Variants in CLPTM1L observed in about 807,000 individuals in gnomAD.
CLPTM1L encodes lipid scramblase CLPTM1L.
CLPTM1L carries 38 observed loss-of-function variants against 70.9 expected under a neutral mutation model. The ratio of observed to expected loss-of-function variants is 0.54; its 90% CI spans 0.41 to 0.70. CLPTM1L has a LOEUF of 0.70. Among genes scored for constraint, CLPTM1L ranks in the 30% least tolerant of loss-of-function variants. The probability of loss-of-function intolerance (pLI) is 0.00; values close to 1 mark genes in which losing one functional copy is unlikely to be tolerated. For synonymous variants in CLPTM1L, 339 were observed against 299.9 expected, an observed-to-expected ratio of 1.13 and a Z score of -1.35; for missense variants, 652 against 705.9, an observed-to-expected ratio of 0.92 and a Z score of 0.87.
rs368308827 is a variant in CLPTM1L at position 1,318,390 on chromosome 5, C to T, written c.1596G>A (p.Thr532=). Residue 532 remains threonine, a synonymous_variant, in exon 17 of 17, where the codon ACG becomes ACA. Transcript: ENST00000320895. The surrounding 1 kb of genome is among the most constrained non-coding windows in gnomAD (Gnocchi z 8.9). ...GCCTTCAGTCCGTGTGGGGCGCCCG[C>T]GTGGCCTTCTCCTCGTAGGACTCCC... is the stretch of plus-strand genomic sequence containing the variant. ...EFGESYEEKA[T]RAPHTD is the part of the protein sequence containing the mutation. 9.3e-6 allele frequency: 15 copies of T among 1,613,642 alleles called. No individual in the cohort carries two copies. The highest frequency in any genetic ancestry group is 8.3e-5 in the Admixed American group (5 of 59,998).
intron 5 of CLPTM1L, among the ~76,000 whole-genome samples, chr5:1,337,668 T>G (rs1223681131): frequency 6.6e-6 from 1 of 152,224 alleles, no homozygotes; most frequent in African/African-American, 2.4e-5. Context: ...CTTTCACCAG[T>G]GACAGTCCAG....
chr5:1,339,026 A>G, intron 3 of CLPTM1L, 21 bp from the exon 4 acceptor site: 2 of 1,607,680 alleles, frequency 1.2e-6, no homozygotes, highest in East Asian at 4.5e-5. Flanking sequence ...AGGAAAACAG[A>G]GGCCAATGCT....
At chr5:1,323,092 AC>A (rs1302597545) in intron 12 of CLPTM1L, among the ~76,000 whole-genome samples, 181 bp from the exon 13 acceptor site, 3 of 152,016 alleles carry the variant, frequency 2.0e-5, no homozygotes, top group African/African-American at 7.2e-5. Flanking sequence ...AGCGCTGAGC[AC>A]CCCCGGCCGG....
chr5:1,338,068 CAG>C, intron 4 of CLPTM1L, 86 bp from the exon 5 acceptor site: 1 of 1,104,232 alleles, frequency 9.1e-7, no homozygotes, highest in Non-Finnish European at 1.4e-6. Context: ...GGGTTTACCC[CAG>C]AGAAGTGCCC....
In CLPTM1L at chr5:1,331,792, G is replaced by A. The variant is rs373925542; in HGVS notation, c.976+7C>T. 1.9e-6 allele frequency: 3 copies of A among 1,612,726 alleles called. No homozygotes were observed. Among genetic ancestry groups the A allele is most frequent in the African/African-American group, 1.3e-5 (1 of 74,912 alleles). ...TATCTGAGCAGGGCCACGCTCGGGG[G>A]GCCTACCTGCCTTGGTGGACATGCC... On this transcript the variant is annotated splice_region_variant and intron_variant, in intron 8 of 16. Coordinates refer to ENST00000320895, the MANE Select transcript of CLPTM1L (RefSeq NM_030782.5).
chr5:1,330,645 A>G (rs1753027356), intron 8 of CLPTM1L: 4 of 500,162 alleles, frequency 8.0e-6, no homozygotes, highest in African/African-American at 7.7e-5. Flanking sequence ...GCAAATGAGC[A>G]TGGAACGTGG....
intron 10 of CLPTM1L, chr5:1,325,431 G>A (rs1051889440): frequency 9.6e-6 from 4 of 415,606 alleles, no homozygotes; most frequent in African/African-American, 7.9e-5. Flanking sequence ...GTCAGCACCA[G>A]CCTCGGGAGC....
chr5:1,327,288 T>TCATCCAGCTCCTCCTCTACAGACACATTC (rs1561235018), intron 9 of CLPTM1L, among the ~76,000 whole-genome samples: 7 of 93,870 alleles, frequency 7.5e-5, no homozygotes, highest in Admixed American at 1.1e-4. Context: ...CAGGGACATT[T>TCATCCAGCTCCTCCTCTACAGACACATTC]CATCCAGCTC....
At chr5:1,322,524 A>T (rs1160906029) in intron 13 of CLPTM1L, among the ~76,000 whole-genome samples, 2 of 152,264 alleles carry the variant, frequency 1.3e-5, no homozygotes, top group African/African-American at 4.8e-5. Context: ...TGAAGAAAAC[A>T]GACAACAGTC....
At chr5:1,329,479 C>T in intron 9 of CLPTM1L, among the ~76,000 whole-genome samples, 1 of 145,044 alleles carries the variant, frequency 6.9e-6, no homozygotes, top group Admixed American at 6.9e-5. Context: ...GGCCTCAGGA[C>T]TCTCTGCTTG....
chr5:1,325,740 C>G lies in CLPTM1L; in HGVS notation c.1146+11G>C. ...GAGGCTTGGGGTTCAGCCATTACAA[C>G]TAAATCCTACCTGAAATTCGGGCAT... is the stretch of plus-strand genomic sequence containing the variant. On this transcript the variant is annotated intron_variant, in intron 10 of 16. Transcript: ENST00000320895. 2 of 1,611,800 alleles carry G rather than the reference C, an allele frequency of 1.2e-6. No individual in the cohort carries two copies. The highest frequency in any genetic ancestry group is 1.7e-6 in the Non-Finnish European group (2 of 1,177,958).
At chr5:1,321,562 C>T (rs1752154020) in intron 15 of CLPTM1L, 73 bp downstream of exon 15, 1 of 1,329,950 alleles carries the variant, frequency 7.5e-7, no homozygotes, top group Admixed American at 1.7e-5. Context: ...CCCAGTAATG[C>T]TGTTGGCTGG....
chr5:1,323,059 A>G, intron 12 of CLPTM1L, 148 bp from the exon 13 acceptor site: 1 of 793,416 alleles, frequency 1.3e-6, no homozygotes. Context: ...AGCAGTGCTG[A>G]GCCTGGTTCT....
chr5:1,331,649 C>T (rs1026600582), intron 8 of CLPTM1L, 150 bp downstream of exon 8: 16 of 668,760 alleles, frequency 2.4e-5, no homozygotes, highest in Non-Finnish European at 3.1e-5. Flanking sequence ...CTGGGCTTTA[C>T]GGTGCCTGGT....
At chr5:1,335,525 G>A (rs1250964974) in intron 5 of CLPTM1L, among the ~76,000 whole-genome samples, 5 of 152,254 alleles carry the variant, frequency 3.3e-5, no homozygotes, top group East Asian at 1.9e-4. Context: ...ACTCCATGGC[G>A]CAGCATACGG....
intron 15 of CLPTM1L, 68 bp downstream of exon 15, chr5:1,321,560 TGCTGTTG>T: frequency 7.7e-7 from 1 of 1,304,404 alleles, no homozygotes; most frequent in Non-Finnish European, 1.1e-6. Context: ...GCCCCAGTAA[TGCTGTTG>T]GCTGGAAGAC....
chr5:1,321,011 C>T (rs1752118154), intron 15 of CLPTM1L, among the ~76,000 whole-genome samples: 1 of 152,212 alleles, frequency 6.6e-6, no homozygotes. Flanking sequence ...AGAGCCAAGG[C>T]TGGAGCCGCC....
chr5:1,331,399 A>C, intron 8 of CLPTM1L: 4 of 242,982 alleles, frequency 1.6e-5, no homozygotes, highest in East Asian at 1.6e-4. Flanking sequence ...TGGTCGGGGA[A>C]GGAACACCGG....
chr5:1,333,056 A>C (rs1753225500), intron 7 of CLPTM1L, among the ~76,000 whole-genome samples: 1 of 121,808 alleles, frequency 8.2e-6, no homozygotes, highest in African/African-American at 3.3e-5. Context: ...TACACACCGG[A>C]TGAGGATAAG....
Sources: allele counts gnomAD v4.1 joint callset (sites outside exome capture counted in the v4.1 genomes callset), GRCh38; gene constraint gnomAD v4.1.1; non-coding constraint Gnocchi (gnomAD v3.1); transcripts MANE v1.5; gene names NCBI Gene and HGNC (gene_info 2026-07-23, HGNC 2026-07-21).